The following DPF3 variants were observed in gnomAD, a reference collection of about 807,000 sequenced individuals.
DPF3 encodes double PHD fingers 3, also known as zinc finger protein DPF3.
A neutral mutation model predicts 56.8 loss-of-function variants in DPF3; 18 were observed. The ratio of observed to expected loss-of-function variants is 0.32; its 90% CI spans 0.22 to 0.47. DPF3 has a LOEUF of 0.47. Among genes scored for constraint, DPF3 ranks in the 20% least tolerant of loss-of-function variants. The probability of loss-of-function intolerance (pLI) is 1.00; values close to 1 mark genes in which losing one functional copy is unlikely to be tolerated. For missense variants in DPF3, 403 were observed against 488.8 expected (o/e 0.82, Z 1.65); for synonymous variants, 188 against 180.2 (o/e 1.04, Z -0.35).
rs115838665 is a variant in DPF3 at position 72,885,460 on chromosome 14, G to A, written c.32+8597C>T. Among the ~76,000 whole-genome samples the A allele has an allele frequency of 5.3e-3, 810 of 152,110 alleles. 5 individuals carry two copies. Among genetic ancestry groups the A allele is most frequent in the African/African-American group, 0.019 (773 of 41,466 alleles). ...CCCAGGCTGGAGTACATGGAGTACA[G>A]TAGCGTGATCACAGCTCACTGCAGC... On this transcript the variant is annotated intron_variant, in intron 1 of 10. Transcript: ENST00000556509.
chr14:72,816,057 A>G (rs1472063757), intron 1 of DPF3, among the ~76,000 whole-genome samples: 1 of 152,246 alleles, frequency 6.6e-6, no homozygotes, highest in Admixed American at 6.5e-5. Context: ...GGTCCAGGAC[A>G]CAGTGAAAAT....
intron 2 of DPF3, among the ~76,000 whole-genome samples, chr14:72,755,081 C>T (rs962628683): frequency 1.3e-5 from 2 of 152,232 alleles, no homozygotes; most frequent in South Asian, 4.1e-4. Context: ...GGCCAGAGCC[C>T]CCTGCACCCC....
At chr14:72,708,012 T>C (rs1306378357) in intron 6 of DPF3, among the ~76,000 whole-genome samples, 1 of 151,490 alleles carries the variant, frequency 6.6e-6, no homozygotes, top group Non-Finnish European at 1.5e-5. Context: ...TACCCTATTA[T>C]GGGTCATCTA....
intron 1 of DPF3, among the ~76,000 whole-genome samples, chr14:72,876,000 G>C (rs1599517721): frequency 6.6e-6 from 1 of 152,174 alleles, no homozygotes. Flanking sequence ...CCTTGGATTG[G>C]ATTTATATAT....
chr14:72,892,280 C>G, intron 1 of DPF3: 3 of 1,535,480 alleles, frequency 2.0e-6, no homozygotes, highest in Non-Finnish European at 1.7e-6. Context: ...AGCGGTGTTG[C>G]AGCGAAAGCA....
chr14:72,778,772 G>A (rs916485397), intron 1 of DPF3, among the ~76,000 whole-genome samples: 10 of 152,186 alleles, frequency 6.6e-5, no homozygotes, highest in African/African-American at 2.4e-4. Flanking sequence ...AGGAGGACAG[G>A]TGAGAGAGAT....
chr14:72,688,462 C>T (rs1383976756), intron 7 of DPF3, among the ~76,000 whole-genome samples: 1 of 152,208 alleles, frequency 6.6e-6, no homozygotes, highest in Non-Finnish European at 1.5e-5. Context: ...AAAACATCAT[C>T]TATAATCAAT....
At chr14:72,738,886 T>C (rs951847976) in intron 3 of DPF3, among the ~76,000 whole-genome samples, 2 of 152,318 alleles carry the variant, frequency 1.3e-5, no homozygotes, top group East Asian at 3.9e-4. Context: ...GCCATAAATA[T>C]ATATAACTTT....
chr14:72,839,839 G>A (rs913715989), intron 1 of DPF3, among the ~76,000 whole-genome samples: 9 of 152,174 alleles, frequency 5.9e-5, no homozygotes, highest in Admixed American at 5.9e-4. Context: ...GTGAGAGAGG[G>A]CCCCACGGGA....
intron 1 of DPF3, among the ~76,000 whole-genome samples, chr14:72,787,168 C>T (rs77384052): frequency 0.027 from 4,162 of 152,344 alleles, 208 homozygotes; most frequent in African/African-American, 0.093. Context: ...ACTGGGCCTC[C>T]ATGCCCTGCT....
At chr14:72,822,567 T>G (rs1005773655) in intron 1 of DPF3, among the ~76,000 whole-genome samples, 1 of 152,188 alleles carries the variant, frequency 6.6e-6, no homozygotes, top group African/African-American at 2.4e-5. Flanking sequence ...AAGTCTATAC[T>G]GAAAGACTAG....
Position 72,693,118 on chromosome 14 carries a change from C to T in DPF3, c.700G>A (p.Glu234Lys), listed in dbSNP as rs766731923. The T allele has an allele frequency of 6.2e-7, 1 of 1,614,042 alleles. No individual in the cohort carries two copies. Among genetic ancestry groups the T allele is most frequent in the Non-Finnish European group, 8.5e-7 (1 of 1,179,908 alleles). The part of the protein sequence containing the change: ...SEEGDEAQDQ[E>K]TRSPPNHRNE... The stretch of plus-strand genomic sequence containing the variant: ...CTGTGGTTGGGTGGGGACCGAGTCT[C>T]CTGGTCTTGAGCTTCATCCCCCTCC... The change falls in exon 7 of 11, where the codon GAG (glutamate) becomes AAG (lysine). Residue 234 changes from glutamate (E) to lysine (K), a missense_variant. Coordinates refer to ENST00000556509, the MANE Select transcript of DPF3 (RefSeq NM_001280542.3).
At chr14:72,789,946 C>A (rs1892362146) in intron 1 of DPF3, among the ~76,000 whole-genome samples, 1 of 151,332 alleles carries the variant, frequency 6.6e-6, no homozygotes, top group Non-Finnish European at 1.5e-5. Context: ...GGCACGATGC[C>A]AACTATCAAA....
chr14:72,630,979 A>G (rs1305771148), intron 8 of DPF3, among the ~76,000 whole-genome samples: 1 of 152,236 alleles, frequency 6.6e-6, no homozygotes, highest in Admixed American at 6.5e-5. Flanking sequence ...GCAAAGCCAC[A>G]TCTTAACAGG....
At chr14:72,713,422 G>A (rs1041885928) in intron 6 of DPF3, among the ~76,000 whole-genome samples, 2 of 152,068 alleles carry the variant, frequency 1.3e-5, no homozygotes, top group Admixed American at 1.3e-4. Context: ...CCCCTACCCC[G>A]CCTTGCCAGC....
chr14:72,645,632 A>G (rs1026941872), intron 8 of DPF3, among the ~76,000 whole-genome samples: 1 of 152,194 alleles, frequency 6.6e-6, no homozygotes, highest in East Asian at 1.9e-4. Flanking sequence ...TCTGTCTTTC[A>G]TTGCCTGCAG....
At chr14:72,839,785 G>A (rs576808321) in intron 1 of DPF3, among the ~76,000 whole-genome samples, 1 of 152,324 alleles carries the variant, frequency 6.6e-6, no homozygotes, top group African/African-American at 2.4e-5. Flanking sequence ...AGTGGTGGCT[G>A]AGTTTGTGGA....
intron 8 of DPF3, among the ~76,000 whole-genome samples, chr14:72,649,471 A>C (rs1448252811): frequency 6.6e-6 from 1 of 152,176 alleles, no homozygotes; most frequent in East Asian, 1.9e-4. Flanking sequence ...GAAGCAACAA[A>C]GTGAGAAGAG....
intron 1 of DPF3, among the ~76,000 whole-genome samples, chr14:72,839,440 A>T (rs1884456321): frequency 6.6e-6 from 1 of 152,136 alleles, no homozygotes; most frequent in African/African-American, 2.4e-5. Context: ...CACAACTATG[A>T]GTTCTTCCGT....
Sources: allele counts gnomAD v4.1 joint callset (sites outside exome capture counted in the v4.1 genomes callset), GRCh38; gene constraint gnomAD v4.1.1; transcripts MANE v1.5; gene names NCBI Gene and HGNC (gene_info 2026-07-23, HGNC 2026-07-21).